The following ADGB variants were observed in gnomAD, a reference collection of about 807,000 sequenced individuals.
ADGB encodes the protein androglobin, also known as calpain-7-like protein.
In ADGB, 172 loss-of-function variants were observed where a neutral mutation model predicts 210.5. That is an observed-to-expected ratio of 0.82 (90% CI 0.72 to 0.93). ADGB has a LOEUF of 0.93. Ranked by LOEUF, ADGB falls within the 40% of genes least tolerant of loss-of-function variation. The probability of loss-of-function intolerance (pLI) is 0.00; values close to 1 mark genes in which losing one functional copy is unlikely to be tolerated. For missense variants in ADGB, 2,025 were observed against 1,964.8 expected, an observed-to-expected ratio of 1.03 and a Z score of -0.58; for synonymous variants, 658 against 662.7, an observed-to-expected ratio of 0.99 and a Z score of 0.11.
At chr6:146,707,416 T>A (rs1307763268) in intron 13 of ADGB, among the ~76,000 whole-genome samples, 1 of 152,134 alleles carries the variant, frequency 6.6e-6, no homozygotes, top group Non-Finnish European at 1.5e-5. Flanking sequence ...GAGCTATCCT[T>A]TGCTGAAAGA....
chr6:146,775,218 A>G (rs1228628266), intron 29 of ADGB, among the ~76,000 whole-genome samples: 1 of 152,116 alleles, frequency 6.6e-6, no homozygotes, highest in Non-Finnish European at 1.5e-5. Flanking sequence ...TTTATACTCA[A>G]CATTTAATTT....
At chr6:146,807,701 T>G in intron 35 of ADGB, 1 of 888,062 alleles carries the variant, frequency 1.1e-6, no homozygotes, top group Non-Finnish European at 1.6e-6. Context: ...TTGTTCTTTC[T>G]TAGAAATATT....
intron 27 of ADGB, among the ~76,000 whole-genome samples, chr6:146,759,099 A>G (rs530263233): frequency 4.6e-5 from 7 of 151,990 alleles, no homozygotes; most frequent in Middle Eastern, 3.4e-3. Flanking sequence ...ACCCCCACAT[A>G]AATACTAATA....
rs1258081318 is a variant in ADGB at position 146,707,927 on chromosome 6, C to A, written c.1707+6857C>A. ...AGGTCCTTTGTTTCTTTCTTCTCTTCTGTTTTCCTTTGTAATTAGGTTATG... is the reference window on the plus strand; with the variant it reads ...AGGTCCTTTGTTTCTTTCTTCTCTTATGTTTTCCTTTGTAATTAGGTTATG... On this transcript the variant is annotated intron_variant, in intron 13 of 35. Coordinates refer to ENST00000397944, the MANE Select transcript of ADGB (RefSeq NM_024694.4). Among the ~76,000 whole-genome samples the A allele has an allele frequency of 2.0e-5, 3 of 151,888 alleles. No homozygotes were observed. In the East Asian group the frequency reaches 5.8e-4, roughly 29 times the overall value.
At chr6:146,660,222 A>T (rs1775836710) in intron 5 of ADGB, among the ~76,000 whole-genome samples, 1 of 152,166 alleles carries the variant, frequency 6.6e-6, no homozygotes, top group South Asian at 2.1e-4. Context: ...TTTGTTCATT[A>T]AATTTGAGGA....
intron 6 of ADGB, among the ~76,000 whole-genome samples, chr6:146,665,532 C>T (rs79254058): frequency 0.015 from 2,297 of 152,132 alleles, 60 homozygotes; most frequent in African/African-American, 0.052. Flanking sequence ...TCAGACATAA[C>T]TTGAAGTTCT....
chr6:146,782,248 T>C, intron 30 of ADGB, 56 bp downstream of exon 30: 2 of 1,406,100 alleles, frequency 1.4e-6, no homozygotes, highest in Non-Finnish European at 1.9e-6. Context: ...TTCAGTGGAT[T>C]CCTATTTGCC....
At chr6:146,672,628 G>A (rs1776025699) in intron 8 of ADGB, among the ~76,000 whole-genome samples, 161 bp downstream of exon 8, 1 of 152,080 alleles carries the variant, frequency 6.6e-6, no homozygotes, top group South Asian at 2.1e-4. Flanking sequence ...GTCACAGAAT[G>A]AAGTAAGAAG....
intron 35 of ADGB, among the ~76,000 whole-genome samples, chr6:146,805,247 C>T (rs1778194702): frequency 6.6e-6 from 1 of 152,120 alleles, no homozygotes; most frequent in Admixed American, 6.5e-5. Flanking sequence ...ATTTCACTGA[C>T]CAGAGCAAGT....
intron 25 of ADGB, among the ~76,000 whole-genome samples, chr6:146,743,060 C>G (rs1777182145): frequency 6.6e-6 from 1 of 152,094 alleles, no homozygotes; most frequent in Non-Finnish European, 1.5e-5. Context: ...TAGTTCTTCA[C>G]GAACAAATTT....
At chr6:146,619,325 C>T (rs1198328093) in intron 1 of ADGB, among the ~76,000 whole-genome samples, 2 of 151,918 alleles carry the variant, frequency 1.3e-5, no homozygotes, top group Admixed American at 6.6e-5. Context: ...ATACATTCAG[C>T]CACTCTATTT....
chr6:146,773,307 TTAAAG>T (rs1183569202), intron 29 of ADGB, among the ~76,000 whole-genome samples: 1 of 152,058 alleles, frequency 6.6e-6, no homozygotes. Context: ...TACATACCAA[TTAAAG>T]TAATTAGTTC....
At chr6:146,647,045 C>T (rs527415102) in intron 3 of ADGB, among the ~76,000 whole-genome samples, 86 of 149,894 alleles carry the variant, frequency 5.7e-4, no homozygotes, top group African/African-American at 1.8e-3. Flanking sequence ...GCCAAGATTG[C>T]GCCACTGCAC....
intron 13 of ADGB, among the ~76,000 whole-genome samples, chr6:146,710,656 TTGAGGAGAA>T (rs140966987): frequency 0.053 from 8,015 of 152,092 alleles, 667 homozygotes; most frequent in African/African-American, 0.18. Context: ...TAATAGGTGA[TTGAGGAGAA>T]TGAATATCTG....
At chr6:146,758,043 GT>G (rs1417521016) in intron 27 of ADGB, among the ~76,000 whole-genome samples, 1 of 152,050 alleles carries the variant, frequency 6.6e-6, no homozygotes, top group Non-Finnish European at 1.5e-5. Context: ...AGTACTTTCA[GT>G]TCTTTTGAGC....
intron 3 of ADGB, among the ~76,000 whole-genome samples, chr6:146,647,104 A>C (rs1038871712): frequency 1.1e-4 from 15 of 140,236 alleles, no homozygotes; most frequent in Admixed American, 5.0e-4. Context: ...AAAACAAAAA[A>C]CAAAAAACAA....
intron 29 of ADGB, among the ~76,000 whole-genome samples, chr6:146,771,404 GTTTA>G (rs1448215492): frequency 6.6e-6 from 1 of 151,934 alleles, no homozygotes; most frequent in African/African-American, 2.4e-5. Flanking sequence ...AGTTGTTTAT[GTTTA>G]TTTCTCTTTG....
chr6:146,786,524 T>G (rs924695084), intron 32 of ADGB, among the ~76,000 whole-genome samples: 1 of 152,196 alleles, frequency 6.6e-6, no homozygotes, highest in Non-Finnish European at 1.5e-5. Flanking sequence ...CCATCCTAAT[T>G]CTGTTATCCT....
chr6:146,640,168 G>A (rs1775485797), intron 2 of ADGB, among the ~76,000 whole-genome samples: 1 of 151,950 alleles, frequency 6.6e-6, no homozygotes, highest in Admixed American at 6.6e-5. Context: ...AGAAGAGATG[G>A]ATAAATTCCT....
Sources: allele counts gnomAD v4.1 joint callset (sites outside exome capture counted in the v4.1 genomes callset), GRCh38; gene constraint gnomAD v4.1.1; transcripts MANE v1.5; gene names NCBI Gene and HGNC (gene_info 2026-07-23, HGNC 2026-07-21).